Variants in TPX2 observed in about 807,000 individuals in gnomAD.
TPX2 encodes TPX2 microtubule nucleation factor.
Under a neutral mutation model 93.6 loss-of-function variants are expected in TPX2, and 21 were observed. The observed-to-expected ratio is 0.22, with a 90% CI of 0.16 to 0.32. The LOEUF (loss-of-function observed/expected upper bound fraction) is 0.32. Among genes scored for constraint, TPX2 ranks in the 10% least tolerant of loss-of-function variants. TPX2 has a pLI of 1.00. For synonymous variants in TPX2, 281 were observed against 298.3 expected, an observed-to-expected ratio of 0.94 and a Z score of 0.60; for missense variants, 776 against 871.1, an observed-to-expected ratio of 0.89 and a Z score of 1.37.
At chr20:31,763,655 A>C (rs1010974335) in intron 4 of TPX2, among the ~76,000 whole-genome samples, 1 of 151,390 alleles carries the variant, frequency 6.6e-6, no homozygotes, top group Non-Finnish European at 1.5e-5. Context: ...AATGTTTAGG[A>C]TTGTTATGTC....
intron 12 of TPX2, among the ~76,000 whole-genome samples, chr20:31,791,145 CAGG>C (rs1272018184): frequency 6.6e-6 from 1 of 152,008 alleles, no homozygotes; most frequent in Non-Finnish European, 1.5e-5. Context: ...GCGGGAGAGT[CAGG>C]AGGGTACCAG....
rs77443859 is a variant in TPX2 at position 31,788,795 on chromosome 20, G to A, written c.1414-3940G>A. On this transcript the variant is annotated intron_variant, in intron 12 of 17. Transcript: ENST00000300403. Reference sequence around the variant, plus strand: ...ATTGGGCAGCCGGGGCACCACGGAGGTGGATGTGGTGTCAGTGAGACCAGT... The same window carrying A: ...ATTGGGCAGCCGGGGCACCACGGAGATGGATGTGGTGTCAGTGAGACCAGT... Among the ~76,000 whole-genome samples the A allele has an allele frequency of 2.1e-4, 32 of 152,324 alleles. No homozygotes were observed. In the East Asian group the frequency reaches 6.2e-3, roughly 29 times the overall value.
In TPX2 at chr20:31,797,439, T is replaced by G; in HGVS notation, c.1869T>G (p.Ala623=). Residue 623 remains alanine (A), a synonymous_variant, in exon 16 of 18, where the codon GCT becomes GCG. Transcript: ENST00000300403. ...AACTGAGACAGCAGAAAGAAGCAGC[T>G]TGTTTCAAGGCTCGTCCAAACACCG... is the stretch of plus-strand genomic sequence containing the variant. ...EEELRQQKEA[A]CFKARPNTVI... The G allele has an allele frequency of 6.2e-7, 1 of 1,614,122 alleles. No homozygotes were observed. Among genetic ancestry groups the G allele is most frequent in the Non-Finnish European group, 8.5e-7 (1 of 1,179,972 alleles).
At chr20:31,742,483 AC>A (rs1219052244) in intron 1 of TPX2, 57 bp from the exon 2 acceptor site, 1 of 152,080 alleles carries the variant, frequency 6.6e-6, no homozygotes, top group African/African-American at 2.4e-5. Context: ...CGGCCTGTTA[AC>A]CCTTTTTTAC....
intron 10 of TPX2, among the ~76,000 whole-genome samples, chr20:31,780,315 G>A (rs1238738880): frequency 6.6e-6 from 1 of 152,114 alleles, no homozygotes; most frequent in Non-Finnish European, 1.5e-5. Context: ...ACCTCCCAAA[G>A]TGCTGTGATT....
intron 1 of TPX2, among the ~76,000 whole-genome samples, chr20:31,739,846 G>A (rs944615482): frequency 6.6e-6 from 1 of 152,182 alleles, no homozygotes; most frequent in South Asian, 2.1e-4. Context: ...ATGCCCTCAG[G>A]AAGTGTGGCG....
At chr20:31,796,005 G>A (rs2062136993) in intron 15 of TPX2, among the ~76,000 whole-genome samples, 1 of 152,146 alleles carries the variant, frequency 6.6e-6, no homozygotes, top group African/African-American at 2.4e-5. Flanking sequence ...CCCTGTTAGT[G>A]TGGTTCTCTA....
intron 12 of TPX2, among the ~76,000 whole-genome samples, chr20:31,785,014 A>G (rs2062056854): frequency 6.6e-6 from 1 of 152,112 alleles, no homozygotes; most frequent in Non-Finnish European, 1.5e-5. Context: ...GCACCAATGT[A>G]TTACCTTTGA....
At position 31,778,871 on chromosome 20, in the gene TPX2, A is replaced by G. The variant is rs547598598; in HGVS notation, c.941A>G (p.Lys314Arg). Residue 314 changes from lysine (K) to arginine (R), a missense_variant, in exon 10 of 18, where the codon AAA becomes AGA. Coordinates refer to ENST00000300403, the MANE Select transcript of TPX2 (RefSeq NM_012112.5). ...CCTTTCAACCTGTCCCAAGGAAAGA[A>G]AAGAACATTTGATGAAACAGTTTCT... The part of the protein sequence containing the change: ...VKPFNLSQGK[K>R]RTFDETVSTY... The G allele has an allele frequency of 1.1e-5, 18 of 1,612,394 alleles. No individual in the cohort carries two copies. The South Asian group carries it at 2.0e-4, about 18-fold the overall frequency.
intron 10 of TPX2, chr20:31,780,887 T>C: frequency 2.7e-6 from 1 of 375,136 alleles, no homozygotes; most frequent in South Asian, 2.0e-5. Flanking sequence ...TCACTTGGTC[T>C]TCTTTTGTTA....
chr20:31,747,994 G>C (rs1462527778), intron 2 of TPX2, among the ~76,000 whole-genome samples: 1 of 151,962 alleles, frequency 6.6e-6, no homozygotes, highest in Admixed American at 6.6e-5. Flanking sequence ...TCGTGAAACC[G>C]AAATTACCCA....
chr20:31,764,807 A>G (rs2061914142), intron 4 of TPX2, among the ~76,000 whole-genome samples: 2 of 152,166 alleles, frequency 1.3e-5, no homozygotes, highest in African/African-American at 2.4e-5. Context: ...AATAATGCCT[A>G]AACTATGTTT....
intron 17 of TPX2, 125 bp downstream of exon 17, chr20:31,798,677 G>C: frequency 1.7e-6 from 2 of 1,186,276 alleles, no homozygotes; most frequent in Admixed American, 5.9e-5. Context: ...ATGAGTGAAA[G>C]GGGGAATTGC....
rs2061841798 is a variant in TPX2 at position 31,754,874 on chromosome 20, A to AAC, written c.-70-2533_-70-2532insAC. On this transcript the variant is annotated intron_variant, in intron 2 of 17. Coordinates refer to ENST00000300403, the MANE Select transcript of TPX2 (RefSeq NM_012112.5). ...GTGAAGCAGATTCAAACTGTCAATG[A>AAC]TTCATTTAAAAAAATAATAGTTTGT... is the stretch of plus-strand genomic sequence containing the variant. Among the ~76,000 whole-genome samples, 3 of 152,328 alleles carry AAC rather than the reference A, an allele frequency of 2.0e-5. No individual in the cohort carries two copies. In the East Asian group the frequency reaches 5.8e-4, roughly 29 times the overall value.
At chr20:31,797,028 A>T (rs1210504284) in intron 15 of TPX2, among the ~76,000 whole-genome samples, 1 of 151,756 alleles carries the variant, frequency 6.6e-6, no homozygotes, top group Non-Finnish European at 1.5e-5. Context: ...ACTTTAGCAC[A>T]CCAACATGGC....
chr20:31,786,261 T>C (rs986747802), intron 12 of TPX2, among the ~76,000 whole-genome samples: 4 of 151,852 alleles, frequency 2.6e-5, no homozygotes, highest in Non-Finnish European at 4.4e-5. Context: ...CCAGGGTCCA[T>C]GCTGTTATAT....
intron 1 of TPX2, among the ~76,000 whole-genome samples, chr20:31,741,706 C>G (rs2061754243): frequency 6.6e-6 from 1 of 152,132 alleles, no homozygotes; most frequent in Admixed American, 6.6e-5. Context: ...GTCTCAATCT[C>G]CTGACCTCGT....
At chr20:31,777,052 T>C (rs1193529108) in intron 8 of TPX2, among the ~76,000 whole-genome samples, 1 of 152,206 alleles carries the variant, frequency 6.6e-6, no homozygotes, top group Admixed American at 6.5e-5. Context: ...GAGTTGTTAT[T>C]GGTGGAGTCA....
At chr20:31,783,264 T>A (rs1024605332) in intron 11 of TPX2, among the ~76,000 whole-genome samples, 14 of 148,318 alleles carry the variant, frequency 9.4e-5, no homozygotes, top group Admixed American at 1.3e-4. Context: ...TTATTTATTT[T>A]TTTTGAGATG....
Sources: allele counts gnomAD v4.1 joint callset (sites outside exome capture counted in the v4.1 genomes callset), GRCh38; gene constraint gnomAD v4.1.1; transcripts MANE v1.5; gene names NCBI Gene and HGNC (gene_info 2026-07-23, HGNC 2026-07-21).